TAF6L: variants seen among roughly 807,000 people sequenced by gnomAD.
TAF6L encodes the protein TAF6-like RNA polymerase II p300/CBP-associated factor-associated factor 65 kDa subunit 6L.
Under a neutral mutation model 57.3 loss-of-function variants are expected in TAF6L, and 34 were observed. The observed-to-expected ratio is 0.59, with a 90% CI of 0.45 to 0.79. The LOEUF (loss-of-function observed/expected upper bound fraction) is 0.79. Among genes scored for constraint, TAF6L ranks in the 30% least tolerant of loss-of-function variants. TAF6L has a pLI of 0.00. For synonymous variants in TAF6L, 417 were observed against 376.3 expected (o/e 1.11, Z -1.25); for missense variants, 782 against 853.2 (o/e 0.92, Z 1.04).
intron 9 of TAF6L, among the ~76,000 whole-genome samples, chr11:62,784,961 A>G (rs1160845390): frequency 6.6e-6 from 1 of 152,050 alleles, no homozygotes; most frequent in African/African-American, 2.4e-5. Context: ...TGTGGGGAGT[A>G]TTTCTTTTTT....
At position 62,782,154 on chromosome 11, in the gene TAF6L, G is replaced by A; in HGVS notation, c.648G>A (p.Leu216=). 6.2e-7 allele frequency: 1 copy of A among 1,613,516 alleles called. No homozygotes were observed. The highest frequency in any genetic ancestry group is 8.5e-7 in the Non-Finnish European group (1 of 1,179,656). ...VSHDLEQLHR[L]LQVARSLFRN... is the part of the protein sequence containing the mutation. ...ATGACCTGGAGCAACTGCACCGGCT[G>A]CTGCAGGTGGCACGGAGCCTATTTC... Residue 216 remains leucine, a synonymous_variant, in exon 8 of 11, where the codon CTG becomes CTA. Coordinates refer to ENST00000294168, the MANE Select transcript of TAF6L (RefSeq NM_006473.4).
chr11:62,776,013 A>G, intron 2 of TAF6L, 83 bp downstream of exon 2: 1 of 1,479,536 alleles, frequency 6.8e-7, no homozygotes, highest in East Asian at 2.4e-5. Context: ...GATTTATTCA[A>G]GTGTACACTG....
At chr11:62,780,554 A>G (rs1349760943) in intron 6 of TAF6L, among the ~76,000 whole-genome samples, 1 of 152,052 alleles carries the variant, frequency 6.6e-6, no homozygotes, top group East Asian at 1.9e-4. Context: ...TGGCTGATAG[A>G]ACGAAACTCC....
At chr11:62,779,187 ATTTTG>A (rs761827013) in intron 6 of TAF6L, among the ~76,000 whole-genome samples, 4 of 151,156 alleles carry the variant, frequency 2.6e-5, no homozygotes, top group Admixed American at 6.6e-5. Context: ...TGCCCGGCTA[ATTTTG>A]TTTTGTTTTG....
At chr11:62,784,537 G>A (rs1012159895) in intron 9 of TAF6L, among the ~76,000 whole-genome samples, 2 of 149,912 alleles carry the variant, frequency 1.3e-5, no homozygotes, top group Non-Finnish European at 3.0e-5. Flanking sequence ...CGATCTCCTG[G>A]CCTCATGATC....
chr11:62,771,530 C>G (rs2084146974), intron 1 of TAF6L, 40 bp downstream of exon 1: 1 of 158,870 alleles, frequency 6.3e-6, no homozygotes, highest in Non-Finnish European at 1.4e-5. Flanking sequence ...TCCCCATTCC[C>G]GACGCCGACT....
Position 62,778,906 on chromosome 11 carries a change from C to T in TAF6L, c.474C>T (p.Leu158=), listed in dbSNP as rs2084206646. The change falls in exon 6 of 11, where the codon CTC becomes CTT. Residue 158 remains leucine, a synonymous_variant. Transcript: ENST00000294168. ...SAVSSLTDDL[L]KYYHQVTRAV... ...TGTCTTCACTGACAGATGACCTTCT[C>T]AAGTACTATCACCAGGTGACTCGTG... The T allele has an allele frequency of 1.9e-6, 3 of 1,613,940 alleles. No individual in the cohort carries two copies. Among genetic ancestry groups the T allele is most frequent in the Non-Finnish European group, 8.5e-7 (1 of 1,179,932 alleles).
chr11:62,774,276 C>T (rs189602064), intron 1 of TAF6L, among the ~76,000 whole-genome samples: 292 of 152,196 alleles, frequency 1.9e-3, no homozygotes, highest in African/African-American at 6.9e-3. Flanking sequence ...TGGGGTTTCA[C>T]CGTGTTAACC....
intron 6 of TAF6L, among the ~76,000 whole-genome samples, chr11:62,779,536 G>C (rs1354946388): frequency 6.6e-6 from 1 of 151,996 alleles, no homozygotes; most frequent in Non-Finnish European, 1.5e-5. Context: ...ATGTTGGTCA[G>C]ACTGGTCTCG....
intron 9 of TAF6L, among the ~76,000 whole-genome samples, chr11:62,783,272 G>T (rs2084243885): frequency 6.6e-6 from 1 of 152,150 alleles, no homozygotes; most frequent in Non-Finnish European, 1.5e-5. Flanking sequence ...CACAAGGTCA[G>T]GAGATCGAAA....
intron 5 of TAF6L, 171 bp from the exon 6 acceptor site, chr11:62,778,698 T>C: frequency 3.1e-6 from 2 of 643,948 alleles, no homozygotes; most frequent in South Asian, 3.7e-5. Flanking sequence ...GTGCAGAGCC[T>C]AGATGGTCAG....
In TAF6L at chr11:62,778,018, G is replaced by A. The variant is rs753905618; in HGVS notation, c.275G>A (p.Arg92His). The change falls in exon 4 of 11, where the codon CGC becomes CAC. Residue 92 changes from arginine to histidine, a missense_variant. Physicochemically the swap from Arg to His is conservative, Grantham distance 29. This residue lies in a region of TAF6L where 220 missense variants were observed against 252.1 expected (regional missense o/e 0.87). Coordinates refer to ENST00000294168, the MANE Select transcript of TAF6L (RefSeq NM_006473.4). ...GYGSQEALPM[R>H]PAREGELYFP... is the part of the protein sequence containing the mutation. Reference sequence around the variant, plus strand: ...GGATCACAGGAGGCACTGCCCATGCGCCCCGCCAGGGAGGGTGAACTCTAC... The same window carrying A: ...GGATCACAGGAGGCACTGCCCATGCACCCCGCCAGGGAGGGTGAACTCTAC... The A allele has an allele frequency of 1.5e-5, 25 of 1,614,036 alleles. No homozygotes were observed. The highest frequency in any genetic ancestry group is 4.4e-5 in the South Asian group (4 of 91,090).
At chr11:62,781,803 A>G (rs1295108607) in intron 6 of TAF6L, 91 bp from the exon 7 acceptor site, 3 of 1,074,362 alleles carry the variant, frequency 2.8e-6, no homozygotes, top group Admixed American at 1.8e-5. Flanking sequence ...TAAAACATGA[A>G]TAAGGTGATA....
At chr11:62,780,562 T>A (rs2084221154) in intron 6 of TAF6L, among the ~76,000 whole-genome samples, 1 of 151,486 alleles carries the variant, frequency 6.6e-6, no homozygotes, top group African/African-American at 2.4e-5. Context: ...AGAACGAAAC[T>A]CCGTCTCAAA....
chr11:62,786,236 CTG>C (rs766230988), intron 9 of TAF6L, 22 bp from the exon 10 acceptor site: 5 of 1,601,846 alleles, frequency 3.1e-6, no homozygotes, highest in African/African-American at 2.7e-5. Context: ...GACATGCTAA[CTG>C]TATTCCTTCT....
chr11:62,778,396 T>C (rs2084202861), intron 5 of TAF6L, 61 bp downstream of exon 5: 1 of 1,579,360 alleles, frequency 6.3e-7, no homozygotes, highest in Non-Finnish European at 8.7e-7. Context: ...GTTCTGAGGG[T>C]GGTGCCTATG....
Position 62,786,734 on chromosome 11 carries a change from C to A in TAF6L, c.1307C>A (p.Thr436Asn), listed in dbSNP as rs758557710. 3.7e-6 allele frequency: 6 copies of A among 1,613,240 alleles called. No homozygotes were observed. Among genetic ancestry groups the A allele is most frequent in the South Asian group, 1.1e-5 (1 of 91,082 alleles). The change falls in exon 11 of 11, where the codon ACC (threonine) becomes AAC (asparagine). Residue 436 changes from threonine to asparagine, a missense_variant. Physicochemically the swap from Thr to Asn is moderately conservative, Grantham distance 65. This residue lies in a region of TAF6L where 483 missense variants were observed against 445.1 expected (regional missense o/e 1.09). Transcript: ENST00000294168. ...CCGGAGGACCCTTCTCTTTCGGTGACCCTGGCCGACATCTACCGGGAGCTC... is the reference window on the plus strand; with the variant it reads ...CCGGAGGACCCTTCTCTTTCGGTGAACCTGGCCGACATCTACCGGGAGCTC... ...AGPEDPSLSV[T>N]LADIYRELYA...
intron 8 of TAF6L, 112 bp downstream of exon 8, chr11:62,782,445 C>G: frequency 8.0e-7 from 1 of 1,245,150 alleles, no homozygotes; most frequent in South Asian, 1.4e-5. Flanking sequence ...GATGGGGAAC[C>G]TTTTCCCTAG....
chr11:62,785,472 G>A (rs947119224), intron 9 of TAF6L, among the ~76,000 whole-genome samples: 1 of 151,648 alleles, frequency 6.6e-6, no homozygotes, highest in Non-Finnish European at 1.5e-5. Context: ...GATTACAGGC[G>A]TGAGCCACAG....
Sources: gnomAD v4.1 joint callset for allele counts (sites outside exome capture counted in the v4.1 genomes callset) on GRCh38, gnomAD v4.1.1 for gene constraint, gnomAD v4.1.1 regional missense constraint, MANE v1.5 for transcripts, NCBI Gene and HGNC (gene_info 2026-07-23, HGNC 2026-07-21) for gene names.